Variants in CACNA1C observed in about 807,000 individuals in gnomAD.
CACNA1C encodes voltage-dependent L-type calcium channel subunit alpha-1C.
In CACNA1C, 30 loss-of-function variants were observed where a neutral mutation model predicts 229.0. The observed-to-expected ratio is 0.13, with a 90% CI of 0.10 to 0.18. The LOEUF (loss-of-function observed/expected upper bound fraction) is 0.18. Ranked by LOEUF, CACNA1C falls within the 10% of genes least tolerant of loss-of-function variation. The pLI, the probability that CACNA1C is intolerant of heterozygous loss-of-function variation, is 1.00. For missense variants in CACNA1C, 1,658 were observed against 2,845.0 expected (o/e 0.58, Z 9.49); for synonymous variants, 1,114 against 1,132.5 (o/e 0.98, Z 0.33).
chr12:2,100,686 A>T (rs1167949072), intron 1 of CACNA1C, among the ~76,000 whole-genome samples: 1 of 147,184 alleles, frequency 6.8e-6, no homozygotes, highest in African/African-American at 2.5e-5. Flanking sequence ...GAGCCCAGGG[A>T]GGTTGAGGCT....
intron 3 of CACNA1C, among the ~76,000 whole-genome samples, chr12:2,437,206 G>C (rs2099142991): frequency 6.6e-6 from 1 of 152,226 alleles, no homozygotes; most frequent in African/African-American, 2.4e-5. Flanking sequence ...CTCCTCATAA[G>C]GTGGTGACCA....
intron 15 of CACNA1C, among the ~76,000 whole-genome samples, chr12:2,584,290 C>G (rs2061612193): frequency 6.6e-6 from 1 of 152,152 alleles, no homozygotes; most frequent in Non-Finnish European, 1.5e-5. Context: ...CTAGCCTGTT[C>G]TCATCCCTCT....
chr12:2,595,151 A>G lies in CACNA1C; in HGVS notation c.2664-723A>G, dbSNP rs973534928. On this transcript the variant is annotated intron_variant, in intron 19 of 46. Transcript: ENST00000399655. The surrounding 1 kb of genome is among the most constrained non-coding windows in gnomAD (Gnocchi z 4.1). The stretch of plus-strand genomic sequence containing the variant: ...GGCTTCTCAGAGCATTTAGTCAACC[A>G]TAATGCCAGGAGCAGAAGTCTGAAG... Among the ~76,000 whole-genome samples, 2 of 152,198 alleles carry G rather than the reference A, an allele frequency of 1.3e-5. No individual in the cohort carries two copies. The highest frequency in any genetic ancestry group is 4.8e-5 in the African/African-American group (2 of 41,454).
intron 3 of CACNA1C, among the ~76,000 whole-genome samples, chr12:2,428,689 A>G (rs548548848): frequency 1.4e-4 from 22 of 152,316 alleles, no homozygotes; most frequent in African/African-American, 4.8e-4. Context: ...CTTGCAACCC[A>G]ATGAGATGTC....
intron 1 of CACNA1C, among the ~76,000 whole-genome samples, chr12:2,107,066 T>C (rs1176539024): frequency 3.0e-4 from 26 of 87,198 alleles, no homozygotes; most frequent in African/African-American, 9.7e-4. Flanking sequence ...AACCACTGGG[T>C]GCTCACCCCA....
intron 3 of CACNA1C, among the ~76,000 whole-genome samples, chr12:2,176,541 T>G (rs1393321682): frequency 6.8e-6 from 1 of 147,570 alleles, no homozygotes; most frequent in Non-Finnish European, 1.5e-5. Flanking sequence ...TCAAGCTTCC[T>G]TCCATGTCAG....
chr12:2,415,558 C>T (rs768118786), intron 3 of CACNA1C, among the ~76,000 whole-genome samples: 5 of 152,172 alleles, frequency 3.3e-5, no homozygotes, highest in South Asian at 2.1e-4. Flanking sequence ...ATAACACCAC[C>T]GTCCCAAGAA....
chr12:2,417,119 G>A (rs369270664), intron 3 of CACNA1C, among the ~76,000 whole-genome samples: 6 of 152,198 alleles, frequency 3.9e-5, no homozygotes, highest in East Asian at 1.9e-4. Flanking sequence ...CAAGGATGTC[G>A]CTTTGGTCCA....
intron 3 of CACNA1C, among the ~76,000 whole-genome samples, chr12:2,170,969 G>C (rs1442248170): frequency 6.6e-6 from 1 of 152,206 alleles, no homozygotes; most frequent in Non-Finnish European, 1.5e-5. Flanking sequence ...CTGTCCCTGT[G>C]CTTGGGCACT....
chr12:2,045,618 T>C (rs948070584), intron 1 of CACNA1C, among the ~76,000 whole-genome samples: 1 of 152,182 alleles, frequency 6.6e-6, no homozygotes, highest in African/African-American at 2.4e-5. Context: ...CATATGGCAA[T>C]AACTTCTGTA....
At position 2,135,780 on chromosome 12, in the gene CACNA1C, C is replaced by T. The variant is rs544423267; in HGVS notation, c.477+15350C>T. On this transcript the variant is annotated intron_variant, in intron 3 of 46. Coordinates refer to ENST00000399655, the MANE Select transcript of CACNA1C (RefSeq NM_000719.7). ...TTTTTGTTTGTCTGTGCCCTGCCCC[C>T]AGAGGTGGAGCCTACAGAGGCAGGC... 8.9e-5 allele frequency among the ~76,000 whole-genome samples: 13 copies of T among 146,776 alleles called. 1 individual carries two copies. Among genetic ancestry groups the T allele is most frequent in the African/African-American group, 3.5e-4 (13 of 37,598 alleles).
chr12:2,190,596 T>C (rs1271457894), intron 3 of CACNA1C, among the ~76,000 whole-genome samples: 3 of 152,190 alleles, frequency 2.0e-5, no homozygotes, highest in Non-Finnish European at 2.9e-5. Flanking sequence ...TACAGTTCCT[T>C]TCCTCAAGGA....
chr12:2,643,056 G>A (rs376096282), intron 30 of CACNA1C, among the ~76,000 whole-genome samples: 1 of 152,314 alleles, frequency 6.6e-6, no homozygotes, highest in East Asian at 1.9e-4. Flanking sequence ...AGCAAAAGAG[G>A]GCCAGGAGCT....
chr12:2,521,874 A>G (rs1196466699), intron 9 of CACNA1C, among the ~76,000 whole-genome samples: 2 of 152,156 alleles, frequency 1.3e-5, no homozygotes, highest in East Asian at 1.9e-4. Context: ...CCCTTGTTCA[A>G]AAGCTTTGAA....
intron 30 of CACNA1C, among the ~76,000 whole-genome samples, chr12:2,636,866 T>C (rs2092789538): frequency 6.6e-6 from 1 of 152,242 alleles, no homozygotes; most frequent in Admixed American, 6.5e-5. Flanking sequence ...GCTGCCCCTG[T>C]GTCCTCCCAT....
chr12:2,005,314 A>G (rs2043196583), intron 1 of CACNA1C, among the ~76,000 whole-genome samples: 1 of 152,096 alleles, frequency 6.6e-6, no homozygotes, highest in Admixed American at 6.5e-5. Flanking sequence ...TGCAAAATGA[A>G]GTGTGTCATA....
intron 1 of CACNA1C, among the ~76,000 whole-genome samples, chr12:2,011,950 CAGT>C (rs75194702): frequency 0.13 from 19,089 of 152,144 alleles, 1,428 homozygotes; most frequent in Admixed American, 0.18. Context: ...CTGTAAGAAG[CAGT>C]TGGGAAAGAG....
rs1382629344 is a variant in CACNA1C at position 2,181,116 on chromosome 12, C to T, written c.477+60686C>T. Among the ~76,000 whole-genome samples, 1 of 152,096 alleles carries T rather than the reference C, an allele frequency of 6.6e-6. No individual in the cohort carries two copies. Among genetic ancestry groups the T allele is most frequent in the African/African-American group, 2.4e-5 (1 of 41,410 alleles). ...GGGGGGTTACAGTCTGGGGAAGACC[C>T]CTGTGTAAAGCATGTAGCATAGTGC... is the stretch of plus-strand genomic sequence containing the variant. On this transcript the variant is annotated intron_variant, in intron 3 of 46. Transcript: ENST00000399655. The surrounding 1 kb of genome is among the most constrained non-coding windows in gnomAD (Gnocchi z 4.0).
At chr12:2,282,361 C>T (rs2091533995) in intron 3 of CACNA1C, among the ~76,000 whole-genome samples, 1 of 152,220 alleles carries the variant, frequency 6.6e-6, no homozygotes, top group Admixed American at 6.5e-5. Flanking sequence ...CACTAGACAG[C>T]CCTAGCACAC....
Sources: gnomAD v4.1 joint callset for allele counts (sites outside exome capture counted in the v4.1 genomes callset) on GRCh38, gnomAD v4.1.1 for gene constraint, Gnocchi (gnomAD v3.1) non-coding constraint, MANE v1.5 for transcripts, NCBI Gene and HGNC (gene_info 2026-07-23, HGNC 2026-07-21) for gene names.